Variants in MUSK observed in about 807,000 individuals in gnomAD.
MUSK encodes the protein muscle associated receptor tyrosine kinase, also known as muscle, skeletal receptor tyrosine-protein kinase.
A neutral mutation model predicts 88.7 loss-of-function variants in MUSK; 55 were observed. The ratio of observed to expected loss-of-function variants is 0.62; its 90% CI spans 0.50 to 0.78. MUSK has a LOEUF of 0.78. Among genes scored for constraint, MUSK ranks in the 30% least tolerant of loss-of-function variants. The pLI is 0.00. For missense variants in MUSK, 1,015 were observed against 1,074.3 expected (o/e 0.94, Z 0.77); for synonymous variants, 387 against 391.9 (o/e 0.99, Z 0.15).
chr9:110,708,775 T>C (rs1412705550), intron 5 of MUSK, among the ~76,000 whole-genome samples: 1 of 152,200 alleles, frequency 6.6e-6, no homozygotes, highest in African/African-American at 2.4e-5. Context: ...TAGCACTGAA[T>C]AGATAATACA....
At chr9:110,672,593 C>A (rs996611140) in intron 1 of MUSK, among the ~76,000 whole-genome samples, 1 of 151,940 alleles carries the variant, frequency 6.6e-6, no homozygotes, top group Non-Finnish European at 1.5e-5. Flanking sequence ...GAAAGTAAAA[C>A]AAGGATATTT....
At position 110,785,704 on chromosome 9, in the gene MUSK, G is replaced by C; in HGVS notation, c.1764G>C (p.Arg588Ser). 6.3e-7 allele frequency: 1 copy of C among 1,597,520 alleles called. No individual in the cohort carries two copies. Among genetic ancestry groups the C allele is most frequent in the South Asian group, 1.1e-5 (1 of 87,468 alleles). The stretch of plus-strand genomic sequence containing the variant: ...ACATCGGAGAGGGAGCGTTTGGAAG[G>C]GTGTTTCAAGCAAGGTAAAGTTACC... Reference protein sequence around the residue: ...VRDIGEGAFGRVFQARAPGLL... With the variant: ...VRDIGEGAFGSVFQARAPGLL... The change falls in exon 13 of 15, where the codon AGG becomes AGC. Residue 588 changes from arginine to serine, a missense_variant. Arg to Ser is a moderately radical substitution (Grantham distance 110). Coordinates refer to ENST00000374448, the MANE Select transcript of MUSK (RefSeq NM_005592.4).
chr9:110,695,344 ACT>A, intron 3 of MUSK, 57 bp from the exon 4 acceptor site: 7 of 1,176,418 alleles, frequency 6.0e-6, no homozygotes, highest in Non-Finnish European at 8.1e-6. Flanking sequence ...AAAGTTAGAA[ACT>A]CTAGGTTTAA....
intron 1 of MUSK, among the ~76,000 whole-genome samples, chr9:110,672,998 T>C (rs2131623586): frequency 6.6e-6 from 1 of 152,308 alleles, no homozygotes; most frequent in East Asian, 1.9e-4. Flanking sequence ...AATAGTGCCC[T>C]AGTTTAAACG....
At chr9:110,799,071 C>A (rs2078054370) in intron 14 of MUSK, among the ~76,000 whole-genome samples, 1 of 152,100 alleles carries the variant, frequency 6.6e-6, no homozygotes, top group Non-Finnish European at 1.5e-5. Context: ...CAAAAAGGAT[C>A]CCACAGAAGA....
chr9:110,715,173 C>CA (rs35654960), intron 5 of MUSK, among the ~76,000 whole-genome samples: 2 of 149,704 alleles, frequency 1.3e-5, no homozygotes, highest in Non-Finnish European at 2.9e-5. Context: ...TCCTAGAGAT[C>CA]AAAAAAGCTC....
intron 5 of MUSK, among the ~76,000 whole-genome samples, chr9:110,725,658 GTTC>G (rs765154017): frequency 1.2e-4 from 19 of 152,038 alleles, no homozygotes; most frequent in Non-Finnish European, 2.2e-4. Flanking sequence ...CAATAAATGT[GTTC>G]TTCTTTCTAC....
At chr9:110,736,850 C>G (rs2077035746) in intron 6 of MUSK, among the ~76,000 whole-genome samples, 1 of 152,038 alleles carries the variant, frequency 6.6e-6, no homozygotes, top group Non-Finnish European at 1.5e-5. Context: ...CAACTAAGCT[C>G]AAGGTATGAA....
chr9:110,696,705 T>A (rs2076434425), intron 4 of MUSK, among the ~76,000 whole-genome samples: 1 of 152,150 alleles, frequency 6.6e-6, no homozygotes, highest in Admixed American at 6.6e-5. Context: ...ATATTATGTG[T>A]GAAATTTTCT....
chr9:110,757,645 T>C (rs1167427818), intron 7 of MUSK, among the ~76,000 whole-genome samples: 1 of 112,572 alleles, frequency 8.9e-6, no homozygotes, highest in Non-Finnish European at 2.0e-5. Context: ...TTTAGCCAAT[T>C]TGTCAAAAAA....
chr9:110,722,452 A>T (rs1319751995), intron 5 of MUSK, among the ~76,000 whole-genome samples: 2 of 151,782 alleles, frequency 1.3e-5, no homozygotes, highest in African/African-American at 4.8e-5. Flanking sequence ...ATCACTTGAA[A>T]CTGGGAGGTG....
In MUSK at chr9:110,717,774, C is replaced by G. The variant is rs116992758; in HGVS notation, c.629-16477C>G. 4.3e-3 allele frequency among the ~76,000 whole-genome samples: 656 copies of G among 151,834 alleles called. 23 individuals are homozygous for G. Among genetic ancestry groups the G allele is most frequent in the Non-Finnish European group, 7.6e-3 (515 of 67,982 alleles). On this transcript the variant is annotated intron_variant, in intron 5 of 14. Coordinates refer to ENST00000374448, the MANE Select transcript of MUSK (RefSeq NM_005592.4). ...AGTGTTGTCCTATGTCTTCTTACAT[C>G]AATTGATGAGAAGTGTTCTGTCATT...
chr9:110,678,887 T>C lies in MUSK; in HGVS notation c.80-3787T>C, dbSNP rs897393834. Among the ~76,000 whole-genome samples the C allele has an allele frequency of 6.5e-5, 5 of 76,614 alleles. No homozygotes were observed. The South Asian group carries it at 1.5e-3, about 23-fold the overall frequency. 50.3% of individuals were successfully genotyped at this position (76,614 alleles called of 152,430 possible). On this transcript the variant is annotated intron_variant, in intron 1 of 14. Coordinates refer to ENST00000374448, the MANE Select transcript of MUSK (RefSeq NM_005592.4). ...TTGTCTTTTGATCTATAAACAGGATTGGGATTTTTTGTTTTTTTGCTATCT... is the reference window on the plus strand; with the variant it reads ...TTGTCTTTTGATCTATAAACAGGATCGGGATTTTTTGTTTTTTTGCTATCT...
At chr9:110,688,234 A>G (rs1295276525) in intron 3 of MUSK, among the ~76,000 whole-genome samples, 1 of 151,958 alleles carries the variant, frequency 6.6e-6, no homozygotes, top group African/African-American at 2.4e-5. Flanking sequence ...CAGGCTTACT[A>G]TCTTTCTATC....
chr9:110,756,692 C>T (rs1419447071), intron 7 of MUSK, among the ~76,000 whole-genome samples: 1 of 152,032 alleles, frequency 6.6e-6, no homozygotes, highest in Admixed American at 6.6e-5. Flanking sequence ...ATAATTCATC[C>T]CCTTTCTCCT....
At chr9:110,680,689 T>A (rs981724311) in intron 1 of MUSK, among the ~76,000 whole-genome samples, 7 of 151,732 alleles carry the variant, frequency 4.6e-5, no homozygotes, top group African/African-American at 1.7e-4. Context: ...CCCAGCTGTA[T>A]TTCTTTTTTA....
intron 8 of MUSK, among the ~76,000 whole-genome samples, chr9:110,767,126 T>C (rs2077496086): frequency 6.6e-6 from 1 of 152,226 alleles, no homozygotes; most frequent in Non-Finnish European, 1.5e-5. Flanking sequence ...CTTACATCAT[T>C]CAACAGAATA....
At chr9:110,701,904 A>C (rs996365637) in intron 5 of MUSK, among the ~76,000 whole-genome samples, 4 of 118,004 alleles carry the variant, frequency 3.4e-5, no homozygotes, top group Non-Finnish European at 5.2e-5. Context: ...ATTTTATTTT[A>C]TTTTATTTTA....
At chr9:110,730,958 C>G (rs566935559) in intron 5 of MUSK, among the ~76,000 whole-genome samples, 3 of 152,152 alleles carry the variant, frequency 2.0e-5, no homozygotes, top group African/African-American at 7.2e-5. Flanking sequence ...GGTAAACTTA[C>G]TTACACACAT....
Sources: allele counts gnomAD v4.1 joint callset (sites outside exome capture counted in the v4.1 genomes callset), GRCh38; gene constraint gnomAD v4.1.1; transcripts MANE v1.5; gene names NCBI Gene and HGNC (gene_info 2026-07-23, HGNC 2026-07-21).